The following IFIH1 variants were observed in gnomAD, a reference collection of about 807,000 sequenced individuals.
IFIH1 encodes the protein interferon-induced helicase C domain-containing protein 1.
A neutral mutation model predicts 107.4 loss-of-function variants in IFIH1; 125 were observed. That is an observed-to-expected ratio of 1.16 (90% CI 1.01 to 1.35). The LOEUF is 1.35. Among genes scored for constraint, IFIH1 ranks in the 40% most tolerant of loss-of-function variants. IFIH1 has a pLI of 0.00. For synonymous variants in IFIH1, 458 were observed against 413.2 expected (o/e 1.11, Z -1.31); for missense variants, 1,333 against 1,213.7 (o/e 1.10, Z -1.46).
rs931264780 is a variant in IFIH1, at chr2:162,279,992, A to G, written c.1641+4T>C. ...TCAATAGATATAAAACATTAAGCCC[A>G]TACTTCTCTGGTTGCATCTGCAATG... is the stretch of plus-strand genomic sequence containing the variant. On this transcript the variant is annotated splice_donor_region_variant and intron_variant, in intron 8 of 15. Coordinates refer to ENST00000649979, the MANE Select transcript of IFIH1 (RefSeq NM_022168.4). 8.1e-6 allele frequency: 12 copies of G among 1,484,492 alleles called. No homozygotes were observed. Among genetic ancestry groups the G allele is most frequent in the African/African-American group, 1.4e-5 (1 of 72,140 alleles). The allele number at this position is 1,484,492 out of a possible 1,614,324, so 92.0% of individuals were successfully genotyped here.
chr2:162,285,013 C>T (rs1489693582), intron 5 of IFIH1, among the ~76,000 whole-genome samples: 1 of 151,954 alleles, frequency 6.6e-6, no homozygotes, highest in Non-Finnish European at 1.5e-5. Flanking sequence ...TCCTGATACT[C>T]GCTCTGGGTG....
At chr2:162,291,474 T>C (rs1682996285) in intron 4 of IFIH1, among the ~76,000 whole-genome samples, 2 of 150,160 alleles carry the variant, frequency 1.3e-5, no homozygotes, top group African/African-American at 5.0e-5. Flanking sequence ...AGAGGCAATA[T>C]ATCTTTCTGA....
rs1683285029 is a variant in IFIH1, at chr2:162,306,703, A to G, written c.769+6T>C. 3.1e-6 allele frequency: 5 copies of G among 1,613,166 alleles called. No individual in the cohort carries two copies. Among genetic ancestry groups the G allele is most frequent in the Non-Finnish European group, 4.2e-6 (5 of 1,179,344 alleles). On this transcript the variant is annotated splice_donor_region_variant and intron_variant, in intron 3 of 15. Coordinates refer to ENST00000649979, the MANE Select transcript of IFIH1 (RefSeq NM_022168.4). ...CTGTATTAAAGTACGTATGTGTTTC[A>G]AGTACCTGAAACTACAGAAGAATCT...
chr2:162,298,211 T>C (rs1481198720), intron 3 of IFIH1, among the ~76,000 whole-genome samples: 2 of 152,322 alleles, frequency 1.3e-5, no homozygotes, highest in Admixed American at 6.5e-5. Context: ...AAAATTCAAA[T>C]TGATTCTTGC....
intron 1 of IFIH1, among the ~76,000 whole-genome samples, chr2:162,311,956 A>G (rs1027128427): frequency 5.3e-5 from 8 of 152,190 alleles, no homozygotes; most frequent in Non-Finnish European, 1.0e-4. Context: ...TATTTTGTCT[A>G]TGTTAGGAAC....
chr2:162,278,836 T>G (rs945139969), intron 8 of IFIH1, among the ~76,000 whole-genome samples: 1 of 152,080 alleles, frequency 6.6e-6, no homozygotes, highest in African/African-American at 2.4e-5. Flanking sequence ...ATTTTTTGTT[T>G]TAGAAGTCAA....
intron 3 of IFIH1, among the ~76,000 whole-genome samples, chr2:162,294,500 T>C (rs1177092823): frequency 6.6e-6 from 1 of 151,978 alleles, no homozygotes; most frequent in Non-Finnish European, 1.5e-5. Flanking sequence ...GTTACTAATA[T>C]TGGCTTTGGA....
intron 11 of IFIH1, among the ~76,000 whole-genome samples, chr2:162,275,638 A>C (rs1691137934): frequency 6.6e-6 from 1 of 152,222 alleles, no homozygotes; most frequent in Non-Finnish European, 1.5e-5. Flanking sequence ...CTGAAACAGA[A>C]TTAATTTGCT....
At chr2:162,298,780 A>ATG (rs1558872675) in intron 3 of IFIH1, among the ~76,000 whole-genome samples, 2 of 150,990 alleles carry the variant, frequency 1.3e-5, no homozygotes, top group East Asian at 3.9e-4. Context: ...ACACACACGC[A>ATG]CGCGCGCGCG....
At chr2:162,313,489 T>G (rs1683418545) in intron 1 of IFIH1, among the ~76,000 whole-genome samples, 1 of 152,250 alleles carries the variant, frequency 6.6e-6, no homozygotes, top group African/African-American at 2.4e-5. Flanking sequence ...AACTCAATGC[T>G]TTCATATTCT....
chr2:162,272,972 GTATCCTCAA>G (rs1220270605), intron 12 of IFIH1, among the ~76,000 whole-genome samples: 1 of 152,168 alleles, frequency 6.6e-6, no homozygotes, highest in African/African-American at 2.4e-5. Flanking sequence ...AACTATAAAA[GTATCCTCAA>G]GGAAAAATGT....
intron 1 of IFIH1, among the ~76,000 whole-genome samples, chr2:162,316,683 A>G (rs1328156889): frequency 2.0e-5 from 3 of 152,260 alleles, no homozygotes; most frequent in Non-Finnish European, 4.4e-5. Context: ...TGAAAATCAT[A>G]GAGTGGTGTA....
chr2:162,304,736 C>T (rs966518190), intron 3 of IFIH1, among the ~76,000 whole-genome samples: 11 of 152,010 alleles, frequency 7.2e-5, no homozygotes, highest in African/African-American at 9.7e-5. Context: ...ATTCAAATAA[C>T]GAAATACCAT....
At position 162,271,905 on chromosome 2, in the gene IFIH1, A is replaced by G. The variant is rs183287177; in HGVS notation, c.2616+321T>C. The stretch of plus-strand genomic sequence containing the variant: ...TGAAATTAAAAAACTGTGCCTTTAC[A>G]AACAAATTGGATCAAACCAAAATTA... On this transcript the variant is annotated intron_variant, in intron 13 of 15. Transcript: ENST00000649979. Among the ~76,000 whole-genome samples the G allele has an allele frequency of 1.3e-4, 20 of 152,290 alleles. No individual in the cohort carries two copies. In the East Asian group the frequency reaches 3.7e-3, roughly 28 times the overall value.
At chr2:162,268,846 C>G (rs1445554222) in intron 13 of IFIH1, among the ~76,000 whole-genome samples, 1 of 152,076 alleles carries the variant, frequency 6.6e-6, no homozygotes, top group Admixed American at 6.6e-5. Flanking sequence ...GCCTCAGCCT[C>G]TCAAAGTGCT....
At chr2:162,304,382 C>A (rs747625630) in intron 3 of IFIH1, among the ~76,000 whole-genome samples, 24 of 152,124 alleles carry the variant, frequency 1.6e-4, no homozygotes, top group African/African-American at 5.5e-4. Context: ...GGATCACTTG[C>A]GCCTGGGAGG....
Position 162,317,914 on chromosome 2 carries a change from T to TA in IFIH1, c.393dup (p.Arg132Ter). The TA allele has an allele frequency of 6.2e-7, 1 of 1,613,412 alleles. No homozygotes were observed. On this transcript the variant is annotated frameshift_variant, in exon 1 of 16. Coordinates refer to ENST00000649979, the MANE Select transcript of IFIH1 (RefSeq NM_022168.4). LOFTEE classifies it high-confidence loss of function. ...TCCATGCACTTATCCAAGACGTCTCTAACTAGAAGCTTGTCCACCAGAGTG... is the reference window on the plus strand; with the variant it reads ...TCCATGCACTTATCCAAGACGTCTCTAAACTAGAAGCTTGTCCACCAGAGTG...
intron 3 of IFIH1, among the ~76,000 whole-genome samples, chr2:162,299,234 G>C (rs2105219600): frequency 6.6e-6 from 1 of 152,312 alleles, no homozygotes; most frequent in Admixed American, 6.5e-5. Context: ...CTAGAGTAGA[G>C]TCAGTTAATA....
At chr2:162,271,623 T>A (rs2105191068) in intron 13 of IFIH1, among the ~76,000 whole-genome samples, 1 of 152,258 alleles carries the variant, frequency 6.6e-6, no homozygotes, top group African/African-American at 2.4e-5. Context: ...AAAAAGAATT[T>A]CAAAAACTAC....
Sources: gnomAD v4.1 joint callset for allele counts (sites outside exome capture counted in the v4.1 genomes callset) on GRCh38, gnomAD v4.1.1 for gene constraint, MANE v1.5 for transcripts, NCBI Gene and HGNC (gene_info 2026-07-23, HGNC 2026-07-21) for gene names.